The following PAK6 variants were observed in gnomAD, a reference collection of about 807,000 sequenced individuals.
PAK6 encodes p21 (RAC1) activated kinase 6.
A neutral mutation model predicts 60.8 loss-of-function variants in PAK6; 33 were observed. That is an observed-to-expected ratio of 0.54 (90% CI 0.41 to 0.73). PAK6 has a LOEUF of 0.73. PAK6 is among the 30% of genes least tolerant of loss of function. The pLI is 0.00. For synonymous variants in PAK6, 404 were observed against 378.5 expected (o/e 1.07, Z -0.78); for missense variants, 845 against 904.1 (o/e 0.93, Z 0.84).
At chr15:40,264,043 C>G (rs2039053698) in intron 3 of PAK6, 3 of 434,660 alleles carry the variant, frequency 6.9e-6, no homozygotes, top group Non-Finnish European at 4.7e-6. Context: ...AGGCTATCCT[C>G]TTGGCTCAGG....
chr15:40,247,844 A>G (rs2038537469), intron 2 of PAK6, among the ~76,000 whole-genome samples: 1 of 152,078 alleles, frequency 6.6e-6, no homozygotes, highest in Non-Finnish European at 1.5e-5. Context: ...TTCTGGACGA[A>G]TCCTGGGATT....
At chr15:40,250,232 C>G (rs960292519) in intron 2 of PAK6, among the ~76,000 whole-genome samples, 25 of 152,246 alleles carry the variant, frequency 1.6e-4, no homozygotes, top group African/African-American at 5.1e-4. Flanking sequence ...ATTAATCACT[C>G]AGGACCTACC....
chr15:40,263,657 C>T, intron 3 of PAK6: 1 of 296,110 alleles, frequency 3.4e-6, no homozygotes. Flanking sequence ...TTCTGTTGCC[C>T]AGGCTGGAGT....
chr15:40,254,354 G>A (rs2038778336), intron 3 of PAK6, among the ~76,000 whole-genome samples: 1 of 152,228 alleles, frequency 6.6e-6, no homozygotes, highest in Non-Finnish European at 1.5e-5. Flanking sequence ...GCTATTGTCA[G>A]AGGGTATTAG....
At chr15:40,275,890 C>T (rs540979379) in intron 10 of PAK6, 37 bp from the exon 11 acceptor site, 1 of 1,579,164 alleles carries the variant, frequency 6.3e-7, no homozygotes, top group East Asian at 2.3e-5. Flanking sequence ...GAAGTGACTG[C>T]AAATTGTGGC....
intron 4 of PAK6, among the ~76,000 whole-genome samples, chr15:40,265,480 G>A (rs1161030752): frequency 6.6e-6 from 1 of 152,148 alleles, no homozygotes; most frequent in African/African-American, 2.4e-5. Context: ...CTTCCTCAGA[G>A]GGCTGGGCAC....
intron 3 of PAK6, among the ~76,000 whole-genome samples, chr15:40,260,558 A>G (rs1421709056): frequency 6.6e-6 from 1 of 152,204 alleles, no homozygotes; most frequent in Non-Finnish European, 1.5e-5. Context: ...TTTCTAATAA[A>G]TCTTAATATC....
At chr15:40,255,053 T>G (rs2038798677) in intron 3 of PAK6, among the ~76,000 whole-genome samples, 1 of 152,090 alleles carries the variant, frequency 6.6e-6, no homozygotes, top group East Asian at 1.9e-4. Flanking sequence ...AAAGGCAATC[T>G]TGTGATTAGG....
chr15:40,260,820 C>T, intron 3 of PAK6, among the ~76,000 whole-genome samples: 1 of 151,742 alleles, frequency 6.6e-6, no homozygotes, highest in Non-Finnish European at 1.5e-5. Context: ...AATATAAGGA[C>T]TTTGTATTTT....
At chr15:40,265,131 A>T (rs576756423) in intron 4 of PAK6, 142 bp downstream of exon 4, 1 of 796,940 alleles carries the variant, frequency 1.3e-6, no homozygotes, top group East Asian at 2.7e-5. Flanking sequence ...CCTGCCTGTC[A>T]GCCTGCCATT....
At chr15:40,252,733 G>C in intron 2 of PAK6, 2 of 1,302,892 alleles carry the variant, frequency 1.5e-6, no homozygotes, top group Non-Finnish European at 1.0e-6. Flanking sequence ...GCGAGAGGAC[G>C]GGCCTCCCAA....
chr15:40,265,457 C>T (rs904093058), intron 4 of PAK6, among the ~76,000 whole-genome samples: 2 of 152,152 alleles, frequency 1.3e-5, no homozygotes, highest in Admixed American at 1.3e-4. Context: ...GAGGAGCCCC[C>T]GGCCTGGTGT....
At chr15:40,272,255 A>G (rs1163196284) in exon 6 of PAK6, 1 of 1,611,272 alleles carries the variant, frequency 6.2e-7, no homozygotes, top group Non-Finnish European at 8.5e-7. Context: ...CCGCAGAAAG[A>G]CAACCCCCCA....
rs753819966 is a variant in PAK6, at chr15:40,272,657, G to T, written c.1292G>T (p.Arg431Leu). ...TTGGCCCGGGAGAAGCACTCGGGCC[G>T]CCAGGTGGCCGTCAAGATGATGGAC... Residue 431 changes from arginine to leucine, a missense_variant, in exon 6 of 11, where the codon CGC becomes CTC. Transcript: ENST00000560346. 4 of 1,605,356 alleles carry T rather than the reference G, an allele frequency of 2.5e-6. No homozygotes were observed. Among genetic ancestry groups the T allele is most frequent in the Admixed American group, 3.3e-5 (2 of 59,944 alleles).
intron 10 of PAK6, 106 bp downstream of exon 10, chr15:40,274,382 C>A (rs1327794441): frequency 1.6e-6 from 2 of 1,224,420 alleles, no homozygotes; most frequent in African/African-American, 1.5e-5. Context: ...GCCACAGGGT[C>A]TGGGCTCCTG....
intron 3 of PAK6, among the ~76,000 whole-genome samples, chr15:40,258,073 T>C (rs1389459037): frequency 1.3e-5 from 2 of 152,148 alleles, no homozygotes; most frequent in African/African-American, 2.4e-5. Flanking sequence ...GCCCCCACCA[T>C]GACCTCTTGG....
chr15:40,242,342 A>C (rs2038378246), intron 2 of PAK6, among the ~76,000 whole-genome samples: 1 of 152,244 alleles, frequency 6.6e-6, no homozygotes, highest in Non-Finnish European at 1.5e-5. Context: ...TGCAGAAGGC[A>C]GGAAGGACTC....
intron 4 of PAK6, 64 bp from the exon 5 acceptor site, chr15:40,265,778 C>A: frequency 6.9e-7 from 1 of 1,453,828 alleles, no homozygotes. Context: ...ACCCTGATCT[C>A]CCAGCCACCC....
chr15:40,240,618 T>C, exon 2 of PAK6: 1 of 432,308 alleles, frequency 2.3e-6, no homozygotes, highest in Non-Finnish European at 4.5e-6. Flanking sequence ...CTTCCTGGGC[T>C]AGAGACAAGC....
Sources: allele counts gnomAD v4.1 joint callset (sites outside exome capture counted in the v4.1 genomes callset), GRCh38; gene constraint gnomAD v4.1.1; transcripts MANE v1.5; gene names NCBI Gene and HGNC (gene_info 2026-07-23, HGNC 2026-07-21).